The following PPA2 variants were observed in gnomAD, a reference collection of about 807,000 sequenced individuals.
PPA2 encodes the protein inorganic pyrophosphatase 2, mitochondrial.
In PPA2, 48 loss-of-function variants were observed where a neutral mutation model predicts 49.5. The observed-to-expected ratio is 0.97, with a 90% CI of 0.77 to 1.23. The LOEUF is 1.23. PPA2 is among the 50% of genes most tolerant of loss of function. PPA2 has a pLI of 0.00. For synonymous variants in PPA2, 131 were observed against 139.9 expected (o/e 0.94, Z 0.45); for missense variants, 429 against 410.1 (o/e 1.05, Z -0.40).
chr4:105,437,369 T>C (rs1724112342), intron 6 of PPA2, among the ~76,000 whole-genome samples: 1 of 151,906 alleles, frequency 6.6e-6, no homozygotes. Context: ...TAGTAGAAAA[T>C]AGAAGAAAGA....
intron 1 of PPA2, among the ~76,000 whole-genome samples, chr4:105,470,460 G>A (rs1461702718): frequency 6.6e-6 from 1 of 151,988 alleles, no homozygotes; most frequent in African/African-American, 2.4e-5. Flanking sequence ...GCTCCAGCTT[G>A]GGCAAAAGTA....
chr4:105,403,546 T>G (rs2726511), intron 7 of PPA2, among the ~76,000 whole-genome samples: 5 of 151,928 alleles, frequency 3.3e-5, no homozygotes, highest in African/African-American at 1.2e-4. Context: ...TTGAAAATAT[T>G]GTAAATTTCT....
intron 3 of PPA2, 54 bp from the exon 4 acceptor site, chr4:105,449,457 T>C: frequency 8.6e-7 from 1 of 1,168,396 alleles, no homozygotes; most frequent in African/African-American, 1.6e-5. Flanking sequence ...CCTTTTATTT[T>C]TTCCGTTACC....
intron 1 of PPA2, among the ~76,000 whole-genome samples, chr4:105,459,407 T>C (rs72952289): frequency 0.044 from 6,668 of 152,346 alleles, 499 homozygotes; most frequent in African/African-American, 0.15. Context: ...CTTTTCTAAA[T>C]GTAATAGATA....
Position 105,460,856 on chromosome 4 carries a change from C to CATATATATATATATATATATAT in PPA2, c.158-4112_158-4111insATATATATATATATATATATAT, listed in dbSNP as rs1491341057. On this transcript the variant is annotated intron_variant, in intron 1 of 11. Coordinates refer to ENST00000341695, the MANE Select transcript of PPA2 (RefSeq NM_176869.3). ...CCCAATACTTATTAAGATGTAAGAT[C>CATATATATATATATATATATAT]ACATATATATATAGTTTTCTAATTG... Among the ~76,000 whole-genome samples, 47 of 139,260 alleles carry CATATATATATATATATATATAT rather than the reference C, an allele frequency of 3.4e-4. 1 individual carries two copies. Among genetic ancestry groups the CATATATATATATATATATATAT allele is most frequent in the Middle Eastern group, 7.1e-3 (2 of 282 alleles). 91.4% of individuals were successfully genotyped at this position (139,260 alleles called of 152,430 possible).
intron 1 of PPA2, among the ~76,000 whole-genome samples, chr4:105,472,576 T>C (rs1026740919): frequency 1.3e-5 from 2 of 152,216 alleles, no homozygotes; most frequent in Non-Finnish European, 2.9e-5. Flanking sequence ...GGTAACCTTT[T>C]AGAACATAAT....
chr4:105,443,787 C>G (rs1159346974), intron 5 of PPA2, among the ~76,000 whole-genome samples: 1 of 152,124 alleles, frequency 6.6e-6, no homozygotes, highest in Non-Finnish European at 1.5e-5. Context: ...TTTTGATACT[C>G]ACACATGCTA....
chr4:105,397,113 ATTG>A (rs976077835), intron 8 of PPA2, among the ~76,000 whole-genome samples: 6 of 152,296 alleles, frequency 3.9e-5, no homozygotes, highest in African/African-American at 1.4e-4. Flanking sequence ...TTTCCCAAAA[ATTG>A]TTGTTTGTTT....
chr4:105,448,117 A>G lies in PPA2; in HGVS notation c.321+1233T>C, dbSNP rs137960121. The stretch of plus-strand genomic sequence containing the variant: ...ACCTATGTATATAGGAAACAAAAAA[A>G]TAAGCCATGTTGAATGAAGAAACAC... On this transcript the variant is annotated intron_variant, in intron 4 of 11. Transcript: ENST00000341695. 8.6e-4 allele frequency: 343 copies of G among 398,966 alleles called. 4 individuals are homozygous for G. In the East Asian group the frequency reaches 0.021, roughly 25 times the overall value. 24.7% of individuals were successfully genotyped at this position (398,966 alleles called of 1,614,324 possible).
chr4:105,388,109 T>C (rs903011810), intron 9 of PPA2, among the ~76,000 whole-genome samples: 7 of 152,156 alleles, frequency 4.6e-5, no homozygotes, highest in Non-Finnish European at 8.8e-5. Context: ...CCATATAAAA[T>C]ACATAACAAC....
At chr4:105,417,182 C>T (rs1012655923) in intron 7 of PPA2, among the ~76,000 whole-genome samples, 1 of 152,268 alleles carries the variant, frequency 6.6e-6, no homozygotes, top group East Asian at 1.9e-4. Context: ...ATTGAACTTC[C>T]AGCTTCATCA....
At chr4:105,401,412 A>G (rs1722184278) in intron 7 of PPA2, among the ~76,000 whole-genome samples, 1 of 152,106 alleles carries the variant, frequency 6.6e-6, no homozygotes, top group African/African-American at 2.4e-5. Context: ...GTAAGTAAAG[A>G]TGTATTTTTT....
At chr4:105,393,849 G>C (rs1375395830) in intron 9 of PPA2, among the ~76,000 whole-genome samples, 1 of 151,730 alleles carries the variant, frequency 6.6e-6, no homozygotes, top group East Asian at 1.9e-4. Flanking sequence ...ATTACAGAAA[G>C]GCAAAAGAAA....
chr4:105,400,002 TAG>T (rs1734295654), intron 7 of PPA2, among the ~76,000 whole-genome samples: 1 of 152,106 alleles, frequency 6.6e-6, no homozygotes, highest in Non-Finnish European at 1.5e-5. Context: ...TACCCACCAT[TAG>T]TCACTTAGTA....
At chr4:105,423,003 G>C (rs1723320718) in intron 7 of PPA2, among the ~76,000 whole-genome samples, 1 of 152,026 alleles carries the variant, frequency 6.6e-6, no homozygotes, top group Non-Finnish European at 1.5e-5. Flanking sequence ...TTGAGGAGCA[G>C]TTAAGATGCT....
chr4:105,431,656 T>G (rs1450516744), intron 6 of PPA2, among the ~76,000 whole-genome samples: 1 of 152,204 alleles, frequency 6.6e-6, no homozygotes, highest in Non-Finnish European at 1.5e-5. Flanking sequence ...CTATTCATAA[T>G]AGCCAAGTGG....
intron 7 of PPA2, among the ~76,000 whole-genome samples, chr4:105,421,383 CT>C (rs1377689891): frequency 6.6e-6 from 1 of 152,076 alleles, no homozygotes; most frequent in Non-Finnish European, 1.5e-5. Context: ...AAAAACTTTA[CT>C]TTCATTTTAT....
At chr4:105,395,851 T>G (rs1477625088) in intron 9 of PPA2, among the ~76,000 whole-genome samples, 3 of 152,204 alleles carry the variant, frequency 2.0e-5, no homozygotes, top group Non-Finnish European at 2.9e-5. Flanking sequence ...TAAATGTTTA[T>G]GTTACTGTTA....
At chr4:105,378,383 T>C (rs894434445) in intron 10 of PPA2, among the ~76,000 whole-genome samples, 1 of 152,196 alleles carries the variant, frequency 6.6e-6, no homozygotes, top group Admixed American at 6.5e-5. Context: ...AAAAATTCTA[T>C]TTTTGGGTCA....
Sources: gnomAD v4.1 joint callset for allele counts (sites outside exome capture counted in the v4.1 genomes callset) on GRCh38, gnomAD v4.1.1 for gene constraint, MANE v1.5 for transcripts, NCBI Gene and HGNC (gene_info 2026-07-23, HGNC 2026-07-21) for gene names.